The following RCC1 variants were observed in gnomAD, a reference collection of about 807,000 sequenced individuals.
The protein encoded by RCC1 is regulator of chromosome condensation 1.
Under a neutral mutation model 44.4 loss-of-function variants are expected in RCC1, and 11 were observed. That is an observed-to-expected ratio of 0.25 (90% CI 0.16 to 0.41). The LOEUF (loss-of-function observed/expected upper bound fraction) is 0.41, where lower values mean the gene tolerates loss of function less well. Among genes scored for constraint, RCC1 ranks in the 10% least tolerant of loss-of-function variants. RCC1 has a pLI of 1.00. For synonymous variants in RCC1, 213 were observed against 216.5 expected (o/e 0.98, Z 0.14); for missense variants, 386 against 547.1 (o/e 0.71, Z 2.94).
chr1:28,522,249 G>A (rs1267008491), intron 4 of RCC1, among the ~76,000 whole-genome samples: 2 of 152,180 alleles, frequency 1.3e-5, no homozygotes, highest in Non-Finnish European at 2.9e-5. Flanking sequence ...TGGGATAAGG[G>A]ATGGGAAGGC....
intron 4 of RCC1, among the ~76,000 whole-genome samples, chr1:28,522,103 G>T (rs762473775): frequency 1.5e-4 from 23 of 152,192 alleles, no homozygotes; most frequent in Non-Finnish European, 2.8e-4. Flanking sequence ...AAGTTGATTG[G>T]TATGGTGGAC....
At chr1:28,520,472 G>A (rs1459837243) in intron 4 of RCC1, among the ~76,000 whole-genome samples, 4 of 152,216 alleles carry the variant, frequency 2.6e-5, no homozygotes, top group Non-Finnish European at 5.9e-5. Flanking sequence ...CTCTGGTGGA[G>A]CATGGTCATG....
In RCC1 at chr1:28,532,204, C is replaced by T. The variant is rs758893593; in HGVS notation, c.295C>T (p.Leu99=). Residue 99 remains leucine, a synonymous_variant, in exon 7 of 13, where the codon CTG becomes TTG. Transcript: ENST00000683442. The part of the protein sequence containing the change: ...YSFGCNDEGA[L]GRDTSVEGSE... Reference sequence around the variant, plus strand: ...CTTCGGCTGCAATGATGAGGGTGCCCTGGGAAGGGACACATCAGTGGAGGG... The same window carrying T: ...CTTCGGCTGCAATGATGAGGGTGCCTTGGGAAGGGACACATCAGTGGAGGG... The T allele has an allele frequency of 1.9e-6, 3 of 1,613,732 alleles. No homozygotes were observed. Among genetic ancestry groups the T allele is most frequent in the Non-Finnish European group, 2.5e-6 (3 of 1,179,848 alleles).
chr1:28,523,317 C>T (rs991402507), intron 4 of RCC1, among the ~76,000 whole-genome samples: 1 of 152,188 alleles, frequency 6.6e-6, no homozygotes, highest in South Asian at 2.1e-4. Flanking sequence ...CCGCGCCCGG[C>T]CAGAAGAAAT....
At chr1:28,506,934 T>C (rs1661995349) in intron 1 of RCC1, 4 of 166,988 alleles carry the variant, frequency 2.4e-5, no homozygotes, top group Admixed American at 2.3e-4. Context: ...ACGCCTGACC[T>C]TGTGGTCCGC....
At chr1:28,508,495 A>C (rs1396788711) in intron 2 of RCC1, 2 of 468,520 alleles carry the variant, frequency 4.3e-6, no homozygotes, top group Non-Finnish European at 8.6e-6. Context: ...AGCCCTTGAA[A>C]ATACTGTGGG....
intron 1 of RCC1, chr1:28,507,708 G>C: frequency 2.8e-6 from 1 of 355,626 alleles, no homozygotes; most frequent in Non-Finnish European, 5.4e-6. Context: ...ATTATGCTAA[G>C]TGATTCTCCT....
rs376008985 is a variant in RCC1, at chr1:28,536,919, C to T, written c.1090+20C>T. The T allele has an allele frequency of 3.0e-4, 485 of 1,613,514 alleles. 1 individual carries two copies. Among genetic ancestry groups the T allele is most frequent in the Middle Eastern group, 1.7e-3 (10 of 6,052 alleles). Reference sequence around the variant, plus strand: ...AGGATGGTGAGTGGGGCTGCCTACACTCTGTCTAGTTGGGACCTGGGGGTC... The same window carrying T: ...AGGATGGTGAGTGGGGCTGCCTACATTCTGTCTAGTTGGGACCTGGGGGTC... On this transcript the variant is annotated intron_variant, in intron 12 of 12. Transcript: ENST00000683442. The surrounding 1 kb of genome is among the most constrained non-coding windows in gnomAD (Gnocchi z 4.9).
intron 3 of RCC1, among the ~76,000 whole-genome samples, chr1:28,515,597 A>C (rs1662850237): frequency 6.7e-6 from 1 of 149,970 alleles, no homozygotes; most frequent in South Asian, 2.1e-4. Flanking sequence ...CGTGTCTGTA[A>C]TCCCAGCTAC....
chr1:28,536,781 G>A lies in RCC1; in HGVS notation c.972G>A (p.Gly324=). 6.2e-7 allele frequency: 1 copy of A among 1,614,172 alleles called. No individual in the cohort carries two copies. ...ACAGCCTGGGCCGGGCTGAGTATGGGCGGCTGGGCCTTGGAGAGGGTGCTG... is the reference window on the plus strand; with the variant it reads ...ACAGCCTGGGCCGGGCTGAGTATGGACGGCTGGGCCTTGGAGAGGGTGCTG... ...KAYSLGRAEY[G]RLGLGEGAEE... Residue 324 remains glycine, a synonymous_variant, in exon 12 of 13, where the codon GGG becomes GGA. Transcript: ENST00000683442. This position sits in a 1 kb window ranked among gnomAD's most constrained non-coding sequence, Gnocchi z 4.9.
At chr1:28,524,366 C>T (rs1267263184) in intron 4 of RCC1, among the ~76,000 whole-genome samples, 1 of 152,226 alleles carries the variant, frequency 6.6e-6, no homozygotes, top group Non-Finnish European at 1.5e-5. Flanking sequence ...GGATCTTGGG[C>T]AGGCCTGCCA....
chr1:28,518,237 G>C (rs1212346024), intron 4 of RCC1: 2 of 152,112 alleles, frequency 1.3e-5, no homozygotes, highest in Non-Finnish European at 2.9e-5. Flanking sequence ...GAGGCCTGCA[G>C]AGCGCATGCT....
intron 4 of RCC1, among the ~76,000 whole-genome samples, chr1:28,523,768 T>A (rs1008158249): frequency 9.9e-5 from 15 of 152,228 alleles, no homozygotes; most frequent in African/African-American, 3.6e-4. Context: ...TCTGATGAAC[T>A]GATGAGATGT....
intron 4 of RCC1, among the ~76,000 whole-genome samples, chr1:28,525,137 G>A (rs1240053301): frequency 2.0e-5 from 3 of 152,110 alleles, no homozygotes; most frequent in East Asian, 3.9e-4. Flanking sequence ...ATATGTGACT[G>A]GGGGCTGCAT....
rs1004609296 is a variant in RCC1, at chr1:28,530,682, G to A, written c.73+743G>A. 2.9e-6 allele frequency: 4 copies of A among 1,369,900 alleles called. No individual in the cohort carries two copies. In the African/African-American group the frequency reaches 4.3e-5, roughly 15 times the overall value. 84.9% of individuals were successfully genotyped at this position (1,369,900 alleles called of 1,614,324 possible). A position where few individuals can be genotyped will look rare whatever the true frequency, so the allele number is the denominator to read the frequency against. ...GCTCCTCAGCGGTGGCCACATCCTC[G>A]GGGGAGGGGCTGGGCGCCATTGGCT... On this transcript the variant is annotated intron_variant, in intron 5 of 12. Transcript: ENST00000683442.
At chr1:28,522,504 G>C (rs932997583) in intron 4 of RCC1, among the ~76,000 whole-genome samples, 2 of 152,022 alleles carry the variant, frequency 1.3e-5, no homozygotes, top group African/African-American at 4.8e-5. Context: ...TCAGGTTTGA[G>C]GTTTGGAAAG....
intron 3 of RCC1, among the ~76,000 whole-genome samples, chr1:28,511,605 G>A (rs560118108): frequency 2.3e-4 from 34 of 150,950 alleles, no homozygotes; most frequent in Middle Eastern, 3.5e-3. Flanking sequence ...TCCTGACCTC[G>A]TGATCCGCCC....
intron 3 of RCC1, among the ~76,000 whole-genome samples, chr1:28,511,092 C>T (rs184725410): frequency 3.3e-5 from 5 of 152,266 alleles, no homozygotes; most frequent in Non-Finnish European, 7.4e-5. Context: ...CACTTCTGGC[C>T]TTGTTCTTTG....
chr1:28,515,331 T>C (rs1662829627), intron 3 of RCC1, among the ~76,000 whole-genome samples: 1 of 151,628 alleles, frequency 6.6e-6, no homozygotes, highest in Admixed American at 6.6e-5. Flanking sequence ...ACATCTGTGG[T>C]CCCAGCTACT....
Sources: gnomAD v4.1 joint callset for allele counts (sites outside exome capture counted in the v4.1 genomes callset) on GRCh38, gnomAD v4.1.1 for gene constraint, Gnocchi (gnomAD v3.1) non-coding constraint, MANE v1.5 for transcripts, NCBI Gene and HGNC (gene_info 2026-07-23, HGNC 2026-07-21) for gene names.